CACNG3: variants seen among roughly 807,000 people sequenced by gnomAD.
The protein encoded by CACNG3 is calcium voltage-gated channel auxiliary subunit gamma 3.
In CACNG3, 3 loss-of-function variants were observed where a neutral mutation model predicts 28.5. That is an observed-to-expected ratio of 0.11 (90% CI 0.05 to 0.27). CACNG3 has a LOEUF of 0.27. Among genes scored for constraint, CACNG3 ranks in the 10% least tolerant of loss-of-function variants. The pLI, the probability that CACNG3 is intolerant of heterozygous loss-of-function variation, is 1.00. For synonymous variants in CACNG3, 174 were observed against 162.2 expected, an observed-to-expected ratio of 1.07 and a Z score of -0.55; for missense variants, 236 against 414.4, an observed-to-expected ratio of 0.57 and a Z score of 3.74.
chr16:24,344,387 C>T (rs971615123), intron 1 of CACNG3, among the ~76,000 whole-genome samples: 1 of 144,772 alleles, frequency 6.9e-6, no homozygotes, highest in African/African-American at 2.6e-5. Flanking sequence ...CCAACCTGGG[C>T]AATAGAGCAA....
intron 1 of CACNG3, among the ~76,000 whole-genome samples, chr16:24,267,307 A>G (rs1025884882): frequency 4.6e-5 from 7 of 152,146 alleles, no homozygotes; most frequent in Non-Finnish European, 8.8e-5. Flanking sequence ...AATTGTTTTG[A>G]GACAGGGTCT....
intron 1 of CACNG3, among the ~76,000 whole-genome samples, chr16:24,267,534 C>A (rs1446111227): frequency 1.3e-5 from 2 of 152,164 alleles, no homozygotes; most frequent in South Asian, 4.1e-4. Flanking sequence ...GCAATTCTCC[C>A]ACCGTGGCCT....
At chr16:24,358,177 T>C (rs1286122699) in intron 3 of CACNG3, among the ~76,000 whole-genome samples, 1 of 151,910 alleles carries the variant, frequency 6.6e-6, no homozygotes, top group Non-Finnish European at 1.5e-5. Context: ...ATAAGAGTGC[T>C]GGGGGGAAAA....
chr16:24,333,766 C>T (rs1223274028), intron 1 of CACNG3, among the ~76,000 whole-genome samples: 2 of 152,090 alleles, frequency 1.3e-5, no homozygotes, highest in Admixed American at 6.5e-5. Flanking sequence ...TTCTTGAGCC[C>T]AGTAGTTTGA....
intron 1 of CACNG3, among the ~76,000 whole-genome samples, chr16:24,304,457 G>C (rs113253617): frequency 6.6e-6 from 1 of 152,030 alleles, no homozygotes; most frequent in African/African-American, 2.4e-5. Context: ...CCTAACCAGC[G>C]TCCAGATCAA....
chr16:24,284,256 G>A (rs1898866195), intron 1 of CACNG3, among the ~76,000 whole-genome samples: 1 of 152,010 alleles, frequency 6.6e-6, no homozygotes, highest in Admixed American at 6.6e-5. Context: ...TCTGAGTTGC[G>A]GTAACTTGCT....
At chr16:24,337,247 A>G (rs188908276) in intron 1 of CACNG3, among the ~76,000 whole-genome samples, 44 of 152,258 alleles carry the variant, frequency 2.9e-4, no homozygotes, top group African/African-American at 8.9e-4. Context: ...AGTATACCAC[A>G]CTACCCCTCT....
chr16:24,315,100 C>A (rs1348942988), intron 1 of CACNG3, among the ~76,000 whole-genome samples: 1 of 152,126 alleles, frequency 6.6e-6, no homozygotes, highest in Non-Finnish European at 1.5e-5. Context: ...CTGCCACTTC[C>A]CTGACATTAG....
intron 1 of CACNG3, among the ~76,000 whole-genome samples, chr16:24,261,933 G>C (rs1898542109): frequency 6.6e-6 from 1 of 152,186 alleles, no homozygotes; most frequent in South Asian, 2.1e-4. Flanking sequence ...AGATGTGGTT[G>C]AGGATGGAGG....
chr16:24,267,345 T>C (rs1166428891), intron 1 of CACNG3, among the ~76,000 whole-genome samples: 2 of 152,114 alleles, frequency 1.3e-5, no homozygotes, highest in African/African-American at 2.4e-5. Context: ...TGAAGTTCAG[T>C]GGTGCAATCA....
chr16:24,277,069 C>G (rs987107071), intron 1 of CACNG3, among the ~76,000 whole-genome samples: 1 of 152,116 alleles, frequency 6.6e-6, no homozygotes, highest in Non-Finnish European at 1.5e-5. Flanking sequence ...GAAATGGGCA[C>G]TTGAAGGGAG....
intron 3 of CACNG3, among the ~76,000 whole-genome samples, chr16:24,358,919 C>A (rs192459517): frequency 5.9e-4 from 90 of 152,266 alleles, no homozygotes; most frequent in African/African-American, 1.9e-3. Flanking sequence ...GCAATGATTA[C>A]TAGGTATGAT....
At chr16:24,257,692 A>C (rs1371379985) in intron 1 of CACNG3, among the ~76,000 whole-genome samples, 1 of 152,178 alleles carries the variant, frequency 6.6e-6, no homozygotes, top group Non-Finnish European at 1.5e-5. Flanking sequence ...TTCATTCCTA[A>C]ATCATTCCCA....
At chr16:24,319,611 T>A (rs933205998) in intron 1 of CACNG3, among the ~76,000 whole-genome samples, 1 of 150,612 alleles carries the variant, frequency 6.6e-6, no homozygotes, top group African/African-American at 2.4e-5. Context: ...TTTATTTATT[T>A]ATTTAATTTA....
intron 2 of CACNG3, among the ~76,000 whole-genome samples, chr16:24,351,620 A>G (rs1318788133): frequency 5.0e-4 from 34 of 68,356 alleles, no homozygotes; most frequent in African/African-American, 1.8e-3. Context: ...GGGAAGGGGA[A>G]GGAGGGGAAG....
intron 1 of CACNG3, among the ~76,000 whole-genome samples, chr16:24,264,304 C>G (rs1898571016): frequency 6.6e-6 from 1 of 152,216 alleles, no homozygotes; most frequent in Admixed American, 6.5e-5. Context: ...CTGACTCTAT[C>G]CAAAGGGAGG....
chr16:24,346,515 C>T (rs895284846), intron 1 of CACNG3, among the ~76,000 whole-genome samples: 1 of 152,184 alleles, frequency 6.6e-6, no homozygotes, highest in Non-Finnish European at 1.5e-5. Flanking sequence ...GAGTTCAAGA[C>T]TGCAGTGAGC....
chr16:24,307,199 G>A (rs546417829), intron 1 of CACNG3, among the ~76,000 whole-genome samples: 1 of 152,226 alleles, frequency 6.6e-6, no homozygotes, highest in African/African-American at 2.4e-5. Context: ...TCAGCTCACT[G>A]CAACTTCTGC....
chr16:24,263,249 T>A (rs1350627259), intron 1 of CACNG3, among the ~76,000 whole-genome samples: 1 of 152,222 alleles, frequency 6.6e-6, no homozygotes, highest in African/African-American at 2.4e-5. Context: ...ATTACTTTAG[T>A]AATCTTATTT....
Sources: allele counts gnomAD v4.1 joint callset (sites outside exome capture counted in the v4.1 genomes callset), GRCh38; gene constraint gnomAD v4.1.1; transcripts MANE v1.5; gene names NCBI Gene and HGNC (gene_info 2026-07-23, HGNC 2026-07-21).